The following TLK1 variants were observed in gnomAD, a reference collection of about 807,000 sequenced individuals.
The protein encoded by TLK1 is tousled like kinase 1.
Under a neutral mutation model 105.3 loss-of-function variants are expected in TLK1, and 24 were observed. The observed-to-expected ratio is 0.23, with a 90% CI of 0.17 to 0.32. The LOEUF (loss-of-function observed/expected upper bound fraction) is 0.32, where lower values mean the gene tolerates loss of function less well. Among genes scored for constraint, TLK1 ranks in the 10% least tolerant of loss-of-function variants. The pLI is 1.00. For synonymous variants in TLK1, 321 were observed against 310.4 expected (o/e 1.03, Z -0.36); for missense variants, 558 against 910.5 (o/e 0.61, Z 4.98).
intron 2 of TLK1, among the ~76,000 whole-genome samples, chr2:171,111,949 T>TTTTG (rs139629702): frequency 0.39 from 59,723 of 151,652 alleles, 13,224 homozygotes; most frequent in African/African-American, 0.58. Context: ...TGGTAGGGTT[T>TTTTG]TTTGTTTGTT....
At chr2:171,196,522 G>T (rs1449157563) in intron 1 of TLK1, among the ~76,000 whole-genome samples, 2 of 152,140 alleles carry the variant, frequency 1.3e-5, no homozygotes, top group Admixed American at 1.3e-4. Flanking sequence ...TTTTAAAAAT[G>T]TTCTCAAAAA....
intron 1 of TLK1, among the ~76,000 whole-genome samples, chr2:171,212,196 A>G (rs1323433382): frequency 2.0e-5 from 3 of 152,018 alleles, no homozygotes; most frequent in African/African-American, 7.2e-5. Context: ...AAATCAATTA[A>G]CATCTGCATA....
chr2:171,202,310 G>A (rs372426558), intron 1 of TLK1, among the ~76,000 whole-genome samples: 5 of 152,200 alleles, frequency 3.3e-5, no homozygotes, highest in African/African-American at 1.2e-4. Context: ...AAATTAGCCG[G>A]ACGTGGTGGT....
chr2:171,004,397 C>A (rs768966106), intron 18 of TLK1, among the ~76,000 whole-genome samples: 5 of 151,836 alleles, frequency 3.3e-5, no homozygotes, highest in Non-Finnish European at 5.9e-5. Flanking sequence ...CATTTCAAAC[C>A]TATATTATTC....
chr2:171,121,358 C>G (rs112221350), intron 1 of TLK1, among the ~76,000 whole-genome samples: 1 of 152,064 alleles, frequency 6.6e-6, no homozygotes, highest in Non-Finnish European at 1.5e-5. Context: ...GTGGCAAAAC[C>G]CTGTCTCTAC....
At chr2:171,013,255 C>A (rs1025160861) in intron 13 of TLK1, among the ~76,000 whole-genome samples, 1 of 151,456 alleles carries the variant, frequency 6.6e-6, no homozygotes, top group African/African-American at 2.4e-5. Flanking sequence ...TCAAGAGATC[C>A]GCCCACCTCA....
Position 171,055,138 on chromosome 2 carries a change from G to C in TLK1, c.584C>G (p.Ala195Gly). The stretch of plus-strand genomic sequence containing the variant: ...TTGTACAATAGGGTGGTCCCCAAAT[G>C]CTAATGCAGTAGGAGAAGGGCTATT... The part of the protein sequence containing the change: ...RPNSPSPTAL[A>G]FGDHPIVQPK... Residue 195 changes from alanine (A) to glycine (G), a missense_variant, in exon 7 of 21, where the codon GCA becomes GGA. By Grantham distance (60) the Ala-to-Gly change is moderately conservative (BLOSUM62 0). Coordinates refer to ENST00000431350, the MANE Select transcript of TLK1 (RefSeq NM_012290.5). 1 of 1,498,736 alleles carries C rather than the reference G, an allele frequency of 6.7e-7. No homozygotes were observed. The highest frequency in any genetic ancestry group is 8.8e-7 in the Non-Finnish European group (1 of 1,131,526). 92.8% of individuals were successfully genotyped at this position (1,498,736 alleles called of 1,614,324 possible).
chr2:171,205,425 C>T (rs192524985), intron 1 of TLK1, among the ~76,000 whole-genome samples: 5 of 151,980 alleles, frequency 3.3e-5, no homozygotes, highest in Admixed American at 1.3e-4. Flanking sequence ...CAGGCTCAAG[C>T]GATCCTCTCA....
intron 13 of TLK1, among the ~76,000 whole-genome samples, chr2:171,013,655 C>A (rs754574246): frequency 7.9e-5 from 12 of 152,084 alleles, no homozygotes; most frequent in Non-Finnish European, 1.5e-4. Flanking sequence ...ATAACTATTT[C>A]TTTCTCTTCA....
chr2:171,221,782 T>C (rs1054641998), intron 1 of TLK1, among the ~76,000 whole-genome samples: 1 of 152,186 alleles, frequency 6.6e-6, no homozygotes, highest in African/African-American at 2.4e-5. Flanking sequence ...TCTGTACACA[T>C]GGAAAAAAAC....
intron 3 of TLK1, among the ~76,000 whole-genome samples, chr2:171,076,061 T>C (rs928249053): frequency 2.0e-5 from 3 of 151,964 alleles, no homozygotes; most frequent in Non-Finnish European, 4.4e-5. Flanking sequence ...CCACTAAAAA[T>C]ATAAAACTTA....
At chr2:171,145,177 G>C (rs567623543) in intron 1 of TLK1, among the ~76,000 whole-genome samples, 1 of 152,110 alleles carries the variant, frequency 6.6e-6, no homozygotes, top group South Asian at 2.1e-4. Flanking sequence ...GCGTGGAGAT[G>C]CACGCATGTA....
chr2:171,227,236 C>T (rs1038225107), intron 1 of TLK1, among the ~76,000 whole-genome samples: 1 of 152,184 alleles, frequency 6.6e-6, no homozygotes, highest in Non-Finnish European at 1.5e-5. Flanking sequence ...CATGACCCAG[C>T]CCTGGCTAAT....
At chr2:171,185,874 G>A (rs559887271) in intron 1 of TLK1, among the ~76,000 whole-genome samples, 7 of 152,110 alleles carry the variant, frequency 4.6e-5, no homozygotes, top group Non-Finnish European at 7.4e-5. Context: ...TAACAATCTC[G>A]TGATAATAAG....
intron 2 of TLK1, among the ~76,000 whole-genome samples, chr2:171,096,552 T>C (rs184583097): frequency 1.4e-3 from 217 of 151,646 alleles, no homozygotes; most frequent in African/African-American, 5.0e-3. Context: ...AGGCCAGGAG[T>C]TCCAGACCAG....
chr2:171,011,299 A>C lies in TLK1; in HGVS notation c.1416+74T>G. On this transcript the variant is annotated intron_variant, in intron 14 of 20. Transcript: ENST00000431350. ...GTGAGCCACCATGCCCAGACAACGT[A>C]AGTACTTCTTAACCACATACTCCTA... is the stretch of plus-strand genomic sequence containing the variant. The C allele has an allele frequency of 3.1e-6, 4 of 1,285,264 alleles. No individual in the cohort carries two copies. In the South Asian group the frequency reaches 5.1e-5, roughly 16 times the overall value. The allele number at this position is 1,285,264 out of a possible 1,614,324, so 79.6% of individuals were successfully genotyped here.
rs115482544 is a variant in TLK1, at chr2:171,073,572, G to C, written c.330+9209C>G. ...TACAGCCAGGATGAGACTCACATTT[G>C]GTTTCCAGTTCACTTTTCCTTCCAA... On this transcript the variant is annotated intron_variant, in intron 3 of 20. Transcript: ENST00000431350. Among the ~76,000 whole-genome samples, 357 of 152,072 alleles carry C rather than the reference G, an allele frequency of 2.3e-3. 4 individuals are homozygous for C. The highest frequency in any genetic ancestry group is 8.4e-3 in the African/African-American group (349 of 41,470).
In TLK1 at chr2:171,160,208, CGGGGGGGGCGGGG is replaced by C; in HGVS notation, c.139+69_139+81del. The C allele has an allele frequency of 8.9e-7, 1 of 1,123,924 alleles. No homozygotes were observed. The highest frequency in any genetic ancestry group is 3.1e-5 in the South Asian group (1 of 31,784). 69.6% of individuals were successfully genotyped at this position (1,123,924 alleles called of 1,614,324 possible). Reference sequence around the variant, plus strand: ...AGGGTCTGGCGGAGAAGCCCCGGGGCGGGGGGGGCGGGGGGGGGGCGCGGGGGTCCGCGGCGCG... The same window carrying C: ...AGGGTCTGGCGGAGAAGCCCCGGGGCGGGGGGCGCGGGGGTCCGCGGCGCG... On this transcript the variant is annotated intron_variant, in intron 1 of 20. Coordinates refer to ENST00000431350, the MANE Select transcript of TLK1 (RefSeq NM_012290.5). This position sits in a 1 kb window ranked among gnomAD's most constrained non-coding sequence, Gnocchi z 4.4.
At chr2:171,094,370 C>T (rs1395529685) in intron 2 of TLK1, among the ~76,000 whole-genome samples, 3 of 151,574 alleles carry the variant, frequency 2.0e-5, no homozygotes, top group African/African-American at 7.3e-5. Context: ...GAAAATAACT[C>T]GTTTTCAGAA....
Sources: allele counts gnomAD v4.1 joint callset (sites outside exome capture counted in the v4.1 genomes callset), GRCh38; gene constraint gnomAD v4.1.1; non-coding constraint Gnocchi (gnomAD v3.1); transcripts MANE v1.5; gene names NCBI Gene and HGNC (gene_info 2026-07-23, HGNC 2026-07-21).